SOS2: variants seen among roughly 807,000 people sequenced by gnomAD.
The protein encoded by SOS2 is son of sevenless homolog 2.
Under a neutral mutation model 148.2 loss-of-function variants are expected in SOS2, and 65 were observed. That is an observed-to-expected ratio of 0.44 (90% CI 0.36 to 0.54). The LOEUF is 0.54. SOS2 is among the 20% of genes least tolerant of loss of function. The pLI is 0.00. For synonymous variants in SOS2, 539 were observed against 537.1 expected, an observed-to-expected ratio of 1.00 and a Z score of -0.05; for missense variants, 1,341 against 1,590.2, an observed-to-expected ratio of 0.84 and a Z score of 2.67.
At chr14:50,226,390 G>A (rs1333844651) in intron 1 of SOS2, among the ~76,000 whole-genome samples, 1 of 152,066 alleles carries the variant, frequency 6.6e-6, no homozygotes, top group Non-Finnish European at 1.5e-5. Flanking sequence ...TTTCTTGTGG[G>A]CCTCAGGAAA....
chr14:50,118,898 TA>T (rs752188461), intron 22 of SOS2, 45 bp from the exon 23 acceptor site: 13,814 of 1,046,010 alleles, frequency 0.013, 2 homozygotes, highest in South Asian at 0.016. Flanking sequence ...TCTGAAAAAT[TA>T]AAAAAAAAAA....
intron 8 of SOS2, among the ~76,000 whole-genome samples, chr14:50,168,672 A>G (rs1411031608): frequency 2.0e-5 from 3 of 152,150 alleles, no homozygotes; most frequent in Non-Finnish European, 4.4e-5. Flanking sequence ...ATTCTATAGA[A>G]TGCCGTTTCG....
At chr14:50,165,842 A>G (rs3783422) in intron 8 of SOS2, among the ~76,000 whole-genome samples, 24,732 of 152,194 alleles carry the variant, frequency 0.16, 2,710 homozygotes, top group Admixed American at 0.33. Context: ...ACAACTCTGT[A>G]ACACGAGGTA....
At chr14:50,160,876 ACCCAGCTACTCGAGT>A (rs1449741277) in intron 9 of SOS2, among the ~76,000 whole-genome samples, 2 of 152,006 alleles carry the variant, frequency 1.3e-5, no homozygotes, top group Non-Finnish European at 2.9e-5. Flanking sequence ...GGCATGTGCC[ACCCAGCTACTCGAGT>A]CCCAGCTACT....
At chr14:50,129,545 C>T (rs775184779) in intron 21 of SOS2, among the ~76,000 whole-genome samples, 2 of 152,062 alleles carry the variant, frequency 1.3e-5, no homozygotes, top group South Asian at 2.1e-4. Flanking sequence ...CCACCATATC[C>T]GGCTAATTTT....
chr14:50,129,370 TTTTG>T (rs759770180), intron 21 of SOS2, among the ~76,000 whole-genome samples: 16 of 152,114 alleles, frequency 1.1e-4, no homozygotes, highest in Non-Finnish European at 1.6e-4. Context: ...GATGGTGTTT[TTTTG>T]TTTGTTTGTT....
chr14:50,173,177 T>C (rs540235098), intron 8 of SOS2, among the ~76,000 whole-genome samples: 26 of 152,168 alleles, frequency 1.7e-4, no homozygotes, highest in African/African-American at 5.5e-4. Flanking sequence ...AGTATCTTTC[T>C]GCTTGATTAT....
In SOS2 at chr14:50,181,516, CA is replaced by C. The variant is rs1228834549; in HGVS notation, c.859-835del. Reference sequence around the variant, plus strand: ...TTTGTTGCAGTGTTGTTTACAATAACAAAAAAAAAAAGGAAAAAACTCTACA... The same window carrying C: ...TTTGTTGCAGTGTTGTTTACAATAACAAAAAAAAAAGGAAAAAACTCTACA... On this transcript the variant is annotated intron_variant, in intron 6 of 22. Transcript: ENST00000216373. Among the ~76,000 whole-genome samples the C allele has an allele frequency of 4.7e-3, 550 of 117,898 alleles. 1 individual carries two copies. The highest frequency in any genetic ancestry group is 0.012 in the African/African-American group (375 of 31,926). The allele number at this position is 117,898 out of a possible 152,430, so 77.3% of individuals were successfully genotyped here. A position where few individuals can be genotyped will look rare whatever the true frequency, so the allele number is the denominator to read the frequency against.
At chr14:50,134,674 AGG>A (rs1884014888) in intron 18 of SOS2, among the ~76,000 whole-genome samples, 1 of 152,218 alleles carries the variant, frequency 6.6e-6, no homozygotes, top group Non-Finnish European at 1.5e-5. Flanking sequence ...AATTAGATTA[AGG>A]TCTGTTAATC....
chr14:50,197,055 G>A (rs1358424529), intron 4 of SOS2, among the ~76,000 whole-genome samples: 1 of 151,928 alleles, frequency 6.6e-6, no homozygotes, highest in Admixed American at 6.6e-5. Flanking sequence ...GTAGAGACAT[G>A]TTGCCCAGGC....
Position 50,150,207 on chromosome 14 carries a change from C to G in SOS2, c.2185G>C (p.Glu729Gln). ...VRGKAMKKWV[E>Q]SIAKIIRRKK... ...CTCCTGATGATCTTAGCAATTGACT[C>G]TACCCATTTTTTCATAGCTTTCCCT... The change falls in exon 14 of 23, where the codon GAG becomes CAG. Residue 729 changes from glutamate (E) to glutamine (Q), a missense_variant. By Grantham distance (29) the Glu-to-Gln change is conservative (BLOSUM62 2). Coordinates refer to ENST00000216373, the MANE Select transcript of SOS2 (RefSeq NM_006939.4). 6.2e-7 allele frequency: 1 copy of G among 1,611,870 alleles called. No individual in the cohort carries two copies. Among genetic ancestry groups the G allele is most frequent in the East Asian group, 2.2e-5 (1 of 44,862 alleles).
At chr14:50,212,086 A>G (rs1056988993) in intron 1 of SOS2, among the ~76,000 whole-genome samples, 6 of 152,244 alleles carry the variant, frequency 3.9e-5, no homozygotes, top group African/African-American at 1.4e-4. Flanking sequence ...TCACAAAGTC[A>G]GACAAAATTA....
At chr14:50,118,887 T>G in intron 22 of SOS2, 34 bp from the exon 23 acceptor site, 1 of 1,322,796 alleles carries the variant, frequency 7.6e-7, no homozygotes, top group Non-Finnish European at 9.9e-7. Flanking sequence ...TATACCTCTA[T>G]TCTGAAAAAT....
At position 50,117,794 on chromosome 14, in the gene SOS2, T is replaced by C. The variant is rs1594950356; in HGVS notation, c.*550A>G. The C allele has an allele frequency of 6.6e-6, 1 of 152,272 alleles. No individual in the cohort carries two copies. Among genetic ancestry groups the C allele is most frequent in the African/African-American group, 2.4e-5 (1 of 41,444 alleles). The allele number at this position is 152,272 out of a possible 1,614,324, so 9.4% of individuals were successfully genotyped here. ...GCCATTCTATTATTTTCATCCTACT[T>C]TTCATTTTTGTCTTCAGCAGCAAAT... is the stretch of plus-strand genomic sequence containing the variant. On this transcript the variant is annotated 3_prime_UTR_variant, in exon 23 of 23. Transcript: ENST00000216373.
At chr14:50,218,352 G>A (rs1312506233) in intron 1 of SOS2, among the ~76,000 whole-genome samples, 1 of 151,300 alleles carries the variant, frequency 6.6e-6, no homozygotes, top group Non-Finnish European at 1.5e-5. Context: ...GCAAAATCCT[G>A]TCTCTACTAA....
intron 8 of SOS2, among the ~76,000 whole-genome samples, chr14:50,173,831 AATAT>A (rs1885443607): frequency 6.6e-6 from 1 of 152,184 alleles, no homozygotes; most frequent in Non-Finnish European, 1.5e-5. Context: ...TCATATGAAT[AATAT>A]ATAAGCATAT....
chr14:50,206,374 T>C (rs962820884), intron 1 of SOS2, among the ~76,000 whole-genome samples: 3 of 152,248 alleles, frequency 2.0e-5, no homozygotes, highest in African/African-American at 7.2e-5. Flanking sequence ...GATACCCAAA[T>C]CCATGGATGC....
At chr14:50,139,367 G>A (rs933974921) in intron 17 of SOS2, among the ~76,000 whole-genome samples, 1 of 152,110 alleles carries the variant, frequency 6.6e-6, no homozygotes, top group Non-Finnish European at 1.5e-5. Context: ...AGTCCCCCAG[G>A]GGATATTTAG....
At chr14:50,217,526 C>T (rs1489229938) in intron 1 of SOS2, among the ~76,000 whole-genome samples, 1 of 151,954 alleles carries the variant, frequency 6.6e-6, no homozygotes, top group African/African-American at 2.4e-5. Flanking sequence ...TAGTGAGACC[C>T]TGTCTCTATT....
Sources: allele counts gnomAD v4.1 joint callset (sites outside exome capture counted in the v4.1 genomes callset), GRCh38; gene constraint gnomAD v4.1.1; transcripts MANE v1.5; gene names NCBI Gene and HGNC (gene_info 2026-07-23, HGNC 2026-07-21).